Variants in ADAMTS6 observed in about 807,000 individuals in gnomAD.
ADAMTS6 encodes the protein ADAM metallopeptidase with thrombospondin type 1 motif 6, also known as A disintegrin and metalloproteinase with thrombospondin motifs 6.
Under a neutral mutation model 144.3 loss-of-function variants are expected in ADAMTS6, and 23 were observed. The ratio of observed to expected loss-of-function variants is 0.16; its 90% CI spans 0.11 to 0.23. The LOEUF is 0.23. ADAMTS6 is among the 10% of genes least tolerant of loss of function. The pLI, the probability that ADAMTS6 is intolerant of heterozygous loss-of-function variation, is 1.00. For missense variants in ADAMTS6, 999 were observed against 1,379.6 expected, an observed-to-expected ratio of 0.72 and a Z score of 4.37; for synonymous variants, 444 against 457.5, an observed-to-expected ratio of 0.97 and a Z score of 0.38.
At chr5:65,391,448 ACAC>A (rs1336521033) in intron 7 of ADAMTS6, among the ~76,000 whole-genome samples, 1 of 135,510 alleles carries the variant, frequency 7.4e-6, no homozygotes, top group Non-Finnish European at 1.6e-5. Flanking sequence ...ACACACACAC[ACAC>A]TTTTTTTTCT....
At chr5:65,215,915 T>C (rs183572237) in intron 18 of ADAMTS6, among the ~76,000 whole-genome samples, 1 of 152,218 alleles carries the variant, frequency 6.6e-6, no homozygotes, top group East Asian at 1.9e-4. Flanking sequence ...ATTTAAGAAA[T>C]AGACCCAAGT....
chr5:65,268,326 T>G (rs535418569), intron 12 of ADAMTS6, among the ~76,000 whole-genome samples: 1 of 152,284 alleles, frequency 6.6e-6, no homozygotes, highest in Admixed American at 6.5e-5. Flanking sequence ...ATTACAAGGA[T>G]TGGGTTTTGA....
chr5:65,187,497 G>T (rs925576236), intron 22 of ADAMTS6, among the ~76,000 whole-genome samples: 7 of 152,114 alleles, frequency 4.6e-5, no homozygotes, highest in Non-Finnish European at 8.8e-5. Context: ...TATATAGATA[G>T]GTCGTAAGTG....
chr5:65,191,217 G>A (rs1755000510), intron 21 of ADAMTS6, among the ~76,000 whole-genome samples: 1 of 152,034 alleles, frequency 6.6e-6, no homozygotes, highest in Non-Finnish European at 1.5e-5. Context: ...TCATGTTCGA[G>A]TGTCTGAAAT....
chr5:65,354,201 T>C (rs1479665312), intron 7 of ADAMTS6, among the ~76,000 whole-genome samples: 1 of 151,830 alleles, frequency 6.6e-6, no homozygotes, highest in Non-Finnish European at 1.5e-5. Context: ...TCATTTAATT[T>C]TATCTCTCCA....
At chr5:65,433,219 T>TTTC (rs1445205956) in intron 7 of ADAMTS6, among the ~76,000 whole-genome samples, 1 of 152,158 alleles carries the variant, frequency 6.6e-6, no homozygotes, top group Non-Finnish European at 1.5e-5. Context: ...CACCATATTT[T>TTTC]TTCTTCTCAA....
Position 65,274,465 on chromosome 5 carries a change from T to C in ADAMTS6, c.1513-1018A>G, listed in dbSNP as rs145331320. On this transcript the variant is annotated intron_variant, in intron 11 of 24. Coordinates refer to ENST00000381055, the MANE Select transcript of ADAMTS6 (RefSeq NM_197941.4). ...ATCACATTTAATCCTTTTGCTTTTA[T>C]TCCTCAACTGATCTTTTAACTCCCA... Among the ~76,000 whole-genome samples the C allele has an allele frequency of 4.1e-3, 623 of 152,220 alleles. 2 individuals are homozygous for C. Among genetic ancestry groups the C allele is most frequent in the African/African-American group, 0.013 (552 of 41,534 alleles).
chr5:65,311,522 T>G (rs1398114271), intron 9 of ADAMTS6, among the ~76,000 whole-genome samples: 1 of 152,128 alleles, frequency 6.6e-6, no homozygotes, highest in Non-Finnish European at 1.5e-5. Context: ...CAAAACAAAA[T>G]TTCCTTACAT....
At chr5:65,282,920 T>C (rs923174511) in intron 11 of ADAMTS6, among the ~76,000 whole-genome samples, 1 of 152,152 alleles carries the variant, frequency 6.6e-6, no homozygotes, top group Non-Finnish European at 1.5e-5. Context: ...TTACAGCTGC[T>C]GGCTGGCTTT....
At chr5:65,299,599 A>G (rs1360224619) in intron 10 of ADAMTS6, among the ~76,000 whole-genome samples, 1 of 152,028 alleles carries the variant, frequency 6.6e-6, no homozygotes, top group African/African-American at 2.4e-5. Flanking sequence ...GTTTGTTACT[A>G]TTAGATACTT....
chr5:65,327,233 G>A (rs947789030), intron 9 of ADAMTS6, among the ~76,000 whole-genome samples: 2 of 152,154 alleles, frequency 1.3e-5, no homozygotes, highest in African/African-American at 4.8e-5. Context: ...ACTAGAAGCA[G>A]ATGCTGGCAT....
intron 7 of ADAMTS6, among the ~76,000 whole-genome samples, chr5:65,335,890 CAG>C (rs1747257925): frequency 6.6e-6 from 1 of 151,298 alleles, no homozygotes; most frequent in African/African-American, 2.4e-5. Flanking sequence ...AACTAGGAAA[CAG>C]ATTCATATAG....
chr5:65,244,650 CCTT>C (rs1759478598), intron 14 of ADAMTS6, among the ~76,000 whole-genome samples: 1 of 152,074 alleles, frequency 6.6e-6, no homozygotes, highest in Non-Finnish European at 1.5e-5. Context: ...TCTATATACT[CCTT>C]CTCAACACTC....
chr5:65,163,636 G>T (rs1752925950), intron 24 of ADAMTS6, among the ~76,000 whole-genome samples: 1 of 152,160 alleles, frequency 6.6e-6, no homozygotes, highest in South Asian at 2.1e-4. Context: ...TCTTGAAGAG[G>T]TTTATAAACA....
intron 12 of ADAMTS6, among the ~76,000 whole-genome samples, chr5:65,266,898 A>G (rs937720613): frequency 6.6e-6 from 1 of 151,966 alleles, no homozygotes; most frequent in Non-Finnish European, 1.5e-5. Flanking sequence ...AAGAGAAGAA[A>G]CTTATTTAAT....
At chr5:65,160,459 ACCACG>A (rs1315863657) in intron 24 of ADAMTS6, among the ~76,000 whole-genome samples, 2 of 151,710 alleles carry the variant, frequency 1.3e-5, no homozygotes, top group Non-Finnish European at 2.9e-5. Flanking sequence ...GGTGCCCACC[ACCACG>A]CCCGGCTAAT....
chr5:65,387,605 A>G (rs546621013), intron 7 of ADAMTS6, among the ~76,000 whole-genome samples: 1 of 152,310 alleles, frequency 6.6e-6, no homozygotes, highest in East Asian at 1.9e-4. Flanking sequence ...AGTAGGTAAT[A>G]ATCAGCGGTT....
At position 65,214,750 on chromosome 5, in the gene ADAMTS6, T is replaced by C. The variant is rs149663058; in HGVS notation, c.2575+44A>G. ...AAGCATAGCTCAGAATGTGTTTTGT[T>C]CTCCATCTTGCCCTCTGGGTGGGCT... On this transcript the variant is annotated intron_variant, in intron 20 of 24. Coordinates refer to ENST00000381055, the MANE Select transcript of ADAMTS6 (RefSeq NM_197941.4). This position sits in a 1 kb window ranked among gnomAD's most constrained non-coding sequence, Gnocchi z 4.6. 2 of 1,613,544 alleles carry C rather than the reference T, an allele frequency of 1.2e-6. No individual in the cohort carries two copies. Among genetic ancestry groups the C allele is most frequent in the South Asian group, 1.1e-5 (1 of 91,068 alleles).
chr5:65,294,991 G>T (rs1049590750), intron 10 of ADAMTS6, among the ~76,000 whole-genome samples: 2 of 151,964 alleles, frequency 1.3e-5, no homozygotes, highest in African/African-American at 4.8e-5. Context: ...TTATTCTTTT[G>T]CTCAACATTG....
Sources: gnomAD v4.1 joint callset for allele counts (sites outside exome capture counted in the v4.1 genomes callset) on GRCh38, gnomAD v4.1.1 for gene constraint, Gnocchi (gnomAD v3.1) non-coding constraint, MANE v1.5 for transcripts, NCBI Gene and HGNC (gene_info 2026-07-23, HGNC 2026-07-21) for gene names.